The following CPE variants were observed in gnomAD, a reference collection of about 807,000 sequenced individuals.
CPE encodes the protein carboxypeptidase E, also known as carbocypeptidase E.
CPE carries 17 observed loss-of-function variants against 53.5 expected under a neutral mutation model. The ratio of observed to expected loss-of-function variants is 0.32; its 90% CI spans 0.22 to 0.48. The LOEUF is 0.48. Ranked by LOEUF, CPE falls within the 20% of genes least tolerant of loss-of-function variation. The probability of loss-of-function intolerance (pLI) is 0.99; values close to 1 mark genes in which losing one functional copy is unlikely to be tolerated. For missense variants in CPE, 524 were observed against 614.7 expected (o/e 0.85, Z 1.56); for synonymous variants, 226 against 228.8 (o/e 0.99, Z 0.11).
At chr4:165,410,945 G>A (rs1414557454) in intron 1 of CPE, among the ~76,000 whole-genome samples, 4 of 152,042 alleles carry the variant, frequency 2.6e-5, no homozygotes, top group African/African-American at 9.7e-5. Context: ...TTCAGGGGAC[G>A]TCAAAGGTAA....
intron 1 of CPE, among the ~76,000 whole-genome samples, chr4:165,422,976 CAAAAAAAAA>C (rs58058891): frequency 1.4e-4 from 11 of 77,018 alleles, no homozygotes; most frequent in African/African-American, 5.2e-4. Flanking sequence ...AACTCTGTCT[CAAAAAAAAA>C]AAAAAAAAAA....
chr4:165,477,484 A>G (rs1296621941), intron 3 of CPE, among the ~76,000 whole-genome samples: 3 of 152,134 alleles, frequency 2.0e-5, no homozygotes, highest in African/African-American at 4.8e-5. Context: ...ACCTTTTTCC[A>G]TTTTTGTCTG....
intron 1 of CPE, among the ~76,000 whole-genome samples, chr4:165,398,404 A>G (rs568228754): frequency 6.6e-6 from 1 of 152,318 alleles, no homozygotes; most frequent in South Asian, 2.1e-4. Flanking sequence ...GAATACATAT[A>G]GGTACATATA....
rs1732521888 is a variant in CPE, at chr4:165,487,302, C to A, written c.974-136C>A. On this transcript the variant is annotated intron_variant, in intron 5 of 8. Transcript: ENST00000402744. ...TCAATCCCTTACAGCAGATGATTTC[C>A]CTTAAGTTTTCCCACAGGCTTCCCA... 9 of 1,164,712 alleles carry A rather than the reference C, an allele frequency of 7.7e-6. No homozygotes were observed. In the South Asian group the frequency reaches 1.2e-4, roughly 15 times the overall value. 72.1% of individuals were successfully genotyped at this position (1,164,712 alleles called of 1,614,324 possible).
intron 1 of CPE, among the ~76,000 whole-genome samples, chr4:165,395,448 G>T (rs1305760171): frequency 2.6e-5 from 4 of 152,084 alleles, no homozygotes; most frequent in Non-Finnish European, 4.4e-5. Context: ...CTATGCCAAG[G>T]GTCAATGCAC....
chr4:165,478,215 G>A (rs982892814), intron 3 of CPE, among the ~76,000 whole-genome samples: 1 of 152,028 alleles, frequency 6.6e-6, no homozygotes, highest in Non-Finnish European at 1.5e-5. Context: ...TTAAAGAAAG[G>A]CCACAATTGT....
chr4:165,447,648 A>G (rs1370189665), intron 1 of CPE, among the ~76,000 whole-genome samples: 1 of 152,124 alleles, frequency 6.6e-6, no homozygotes, highest in African/African-American at 2.4e-5. Flanking sequence ...CTTAGCTTAC[A>G]GTAACTTTTT....
rs112471003 is a variant in CPE at position 165,395,793 on chromosome 4, A to C, written c.307+16265A>C. Among the ~76,000 whole-genome samples the C allele has an allele frequency of 6.3e-3, 966 of 152,324 alleles. 12 individuals are homozygous for C. Among genetic ancestry groups the C allele is most frequent in the African/African-American group, 0.022 (896 of 41,576 alleles). ...AATGCTCACTAGGCACATGCATAAC[A>C]TGTAGATGCCCAAAGCATTTCAGAA... On this transcript the variant is annotated intron_variant, in intron 1 of 8. Coordinates refer to ENST00000402744, the MANE Select transcript of CPE (RefSeq NM_001873.4).
At chr4:165,487,689 C>A in intron 6 of CPE, 112 bp downstream of exon 6, 1 of 1,222,632 alleles carries the variant, frequency 8.2e-7, no homozygotes, top group Non-Finnish European at 1.1e-6. Flanking sequence ...AATGAGGATG[C>A]CATATTTGGA....
chr4:165,455,416 T>G (rs1731883676), intron 1 of CPE, among the ~76,000 whole-genome samples: 1 of 152,210 alleles, frequency 6.6e-6, no homozygotes, highest in African/African-American at 2.4e-5. Context: ...AAAAGATGCT[T>G]CAAGGTCCAA....
At chr4:165,443,622 T>G (rs1269512716) in intron 1 of CPE, among the ~76,000 whole-genome samples, 1 of 152,156 alleles carries the variant, frequency 6.6e-6, no homozygotes, top group African/African-American at 2.4e-5. Context: ...TGTGTCCAAT[T>G]TTCTCTTCTT....
chr4:165,401,055 T>G (rs1385135824), intron 1 of CPE, among the ~76,000 whole-genome samples: 1 of 152,058 alleles, frequency 6.6e-6, no homozygotes, highest in African/African-American at 2.4e-5. Flanking sequence ...TTATTTGATT[T>G]TTTTTTTCTT....
chr4:165,393,533 A>C (rs986774224), intron 1 of CPE, among the ~76,000 whole-genome samples: 3 of 152,230 alleles, frequency 2.0e-5, no homozygotes, highest in Non-Finnish European at 4.4e-5. Context: ...GTTGAGCTTC[A>C]GAGAGACATT....
At chr4:165,460,325 G>T (rs957275301) in intron 1 of CPE, among the ~76,000 whole-genome samples, 1 of 152,130 alleles carries the variant, frequency 6.6e-6, no homozygotes, top group African/African-American at 2.4e-5. Context: ...GATTCTGAAG[G>T]CAAAATTTCT....
chr4:165,381,556 G>A, intron 1 of CPE: 1 of 265,688 alleles, frequency 3.8e-6, no homozygotes. Flanking sequence ...CTTTTTAAAT[G>A]AAGGAGACTC....
intron 2 of CPE, among the ~76,000 whole-genome samples, chr4:165,466,449 A>C (rs1732105534): frequency 1.3e-5 from 2 of 152,164 alleles, no homozygotes; most frequent in Admixed American, 1.3e-4. Context: ...AACACTGTAC[A>C]CTCAGGTTAC....
At chr4:165,386,020 G>A (rs1383287691) in intron 1 of CPE, among the ~76,000 whole-genome samples, 1 of 152,124 alleles carries the variant, frequency 6.6e-6, no homozygotes, top group African/African-American at 2.4e-5. Context: ...ATTACAGTGT[G>A]GACTTTGATG....
chr4:165,479,866 C>T (rs1245398292), intron 3 of CPE, among the ~76,000 whole-genome samples: 3 of 152,014 alleles, frequency 2.0e-5, no homozygotes, highest in Admixed American at 6.6e-5. Flanking sequence ...GTGGCAGGCA[C>T]CTGTAGTCCC....
intron 4 of CPE, among the ~76,000 whole-genome samples, chr4:165,483,175 G>T (rs1179200642): frequency 6.6e-6 from 1 of 151,878 alleles, no homozygotes; most frequent in African/African-American, 2.4e-5. Context: ...AGTCCCCAGG[G>T]TCTATTATTT....
Sources: allele counts gnomAD v4.1 joint callset (sites outside exome capture counted in the v4.1 genomes callset), GRCh38; gene constraint gnomAD v4.1.1; transcripts MANE v1.5; gene names NCBI Gene and HGNC (gene_info 2026-07-23, HGNC 2026-07-21).